Variants in KIAA0930 observed in about 807,000 individuals in gnomAD.
KIAA0930 encodes the protein KIAA0930.
KIAA0930 carries 24 observed loss-of-function variants against 43.9 expected under a neutral mutation model. The observed-to-expected ratio is 0.55, with a 90% CI of 0.40 to 0.77. The LOEUF (loss-of-function observed/expected upper bound fraction) is 0.77. Among genes scored for constraint, KIAA0930 ranks in the 30% least tolerant of loss-of-function variants. The pLI, the probability that KIAA0930 is intolerant of heterozygous loss-of-function variation, is 0.00. For missense variants in KIAA0930, 461 were observed against 574.2 expected (o/e 0.80, Z 2.02); for synonymous variants, 259 against 216.4 (o/e 1.20, Z -1.73).
rs376397193 is a variant in KIAA0930, at chr22:45,199,922, C to T, written c.966G>A (p.Ser322=). ...ACTCCTCGCTGTCGTTGGCCGAGTG[C>T]GACTTCTTCATCTCAGCGATCCGGT... ...PRNRIAEMKK[S]HSANDSEEFF... The change falls in exon 8 of 10, where the codon TCG becomes TCA. Residue 322 remains serine (S), a synonymous_variant. Coordinates refer to ENST00000336156, the MANE Select transcript of KIAA0930 (RefSeq NM_001009880.2). 7.2e-5 allele frequency: 116 copies of T among 1,606,000 alleles called. No individual in the cohort carries two copies. The highest frequency in any genetic ancestry group is 1.7e-4 in the Middle Eastern group (1 of 6,060).
chr22:45,225,988 A>C (rs1395736264), intron 1 of KIAA0930, among the ~76,000 whole-genome samples: 1 of 152,084 alleles, frequency 6.6e-6, no homozygotes, highest in African/African-American at 2.4e-5. Flanking sequence ...GGCTTGTCAC[A>C]CTGGCCCCTC....
At chr22:45,221,359 C>T (rs764151580) in intron 1 of KIAA0930, among the ~76,000 whole-genome samples, 1 of 152,088 alleles carries the variant, frequency 6.6e-6, no homozygotes, top group South Asian at 2.1e-4. Context: ...CATGCCATGG[C>T]GATATGTAAG....
chr22:45,212,530 C>T, intron 1 of KIAA0930: 1 of 1,409,738 alleles, frequency 7.1e-7, no homozygotes. Context: ...CTCACCCCCA[C>T]CCACTCCCCC....
chr22:45,214,526 T>C (rs1203154865), intron 1 of KIAA0930, among the ~76,000 whole-genome samples: 3 of 152,212 alleles, frequency 2.0e-5, no homozygotes, highest in Non-Finnish European at 4.4e-5. Flanking sequence ...GGCGGAATCG[T>C]AGTGACTTAA....
intron 1 of KIAA0930, among the ~76,000 whole-genome samples, chr22:45,237,247 AG>A (rs1318977626): frequency 6.6e-6 from 1 of 152,220 alleles, no homozygotes; most frequent in Non-Finnish European, 1.5e-5. Context: ...GGGCAGCCGC[AG>A]CCCCACTGCT....
chr22:45,223,130 T>G lies in KIAA0930; in HGVS notation c.65-11023A>C, dbSNP rs555458990. On this transcript the variant is annotated intron_variant, in intron 1 of 9. Transcript: ENST00000336156. Reference sequence around the variant, plus strand: ...AAGCATTACAGCACTGTTGGCAAAATAGTGGAGTGGTCCTATCAATAGGGA... The same window carrying G: ...AAGCATTACAGCACTGTTGGCAAAAGAGTGGAGTGGTCCTATCAATAGGGA... Among the ~76,000 whole-genome samples the G allele has an allele frequency of 4.8e-4, 73 of 152,322 alleles. 1 individual carries two copies. In the East Asian group the frequency reaches 0.014, roughly 28 times the overall value.
intron 1 of KIAA0930, chr22:45,213,257 GGCCCTCAGCCCTCAGCCCTCT>G (rs1298205845): frequency 8.1e-7 from 1 of 1,238,062 alleles, no homozygotes. Flanking sequence ...CCCAGCCCTC[GGCCCTCAGCCCTCAGCCCTCT>G]GCCCTCTGCC....
chr22:45,220,189 A>C (rs1278749325), intron 1 of KIAA0930, among the ~76,000 whole-genome samples: 1 of 152,180 alleles, frequency 6.6e-6, no homozygotes, highest in Non-Finnish European at 1.5e-5. Context: ...TCAGAGGCTC[A>C]CGTCTGTAAT....
rs1408029510 is a variant in KIAA0930, at chr22:45,197,851, T to G, written c.1113A>C (p.Gly371=). 1.2e-6 allele frequency: 2 copies of G among 1,614,070 alleles called. No individual in the cohort carries two copies. Among genetic ancestry groups the G allele is most frequent in the East Asian group, 2.2e-5 (1 of 44,896 alleles). The change falls in exon 9 of 10, where the codon GGA becomes GGC. Residue 371 remains glycine, a synonymous_variant. Coordinates refer to ENST00000336156, the MANE Select transcript of KIAA0930 (RefSeq NM_001009880.2). ...GSWLKLNRAD[G]NFLLYAHLTY... ...TTAAGTGTGCATAGAGAAGGAAGTT[T>G]CCATCTGCTCTGTTCAGCTTCAGCC...
chr22:45,221,756 CAG>C (rs1319959033), intron 1 of KIAA0930, among the ~76,000 whole-genome samples: 1 of 151,764 alleles, frequency 6.6e-6, no homozygotes, highest in African/African-American at 2.4e-5. Context: ...TTTTTTGAGA[CAG>C]AGTCTCACTC....
intron 1 of KIAA0930, among the ~76,000 whole-genome samples, chr22:45,229,052 C>T (rs113264227): frequency 6.4e-4 from 15 of 23,498 alleles, no homozygotes; most frequent in African/African-American, 1.3e-3. Context: ...CCCCCACCAC[C>T]AAACACTCAC....
At chr22:45,210,625 G>A (rs2235162) in intron 2 of KIAA0930, among the ~76,000 whole-genome samples, 40,034 of 151,962 alleles carry the variant, frequency 0.26, 5,695 homozygotes, top group Non-Finnish European at 0.32. Flanking sequence ...CTGGTCTCTC[G>A]ATTGTACACC....
chr22:45,207,034 TCTCG>T (rs1170436291), intron 2 of KIAA0930, among the ~76,000 whole-genome samples: 1 of 149,248 alleles, frequency 6.7e-6, no homozygotes, highest in African/African-American at 2.5e-5. Flanking sequence ...TGAGACGGAG[TCTCG>T]CTCTGTCACC....
intron 1 of KIAA0930, among the ~76,000 whole-genome samples, chr22:45,219,772 G>A (rs1446146656): frequency 6.6e-6 from 1 of 151,614 alleles, no homozygotes; most frequent in African/African-American, 2.4e-5. Context: ...TTGTATTTTT[G>A]GTAGAGACAG....
At chr22:45,218,140 C>T (rs2083744894) in intron 1 of KIAA0930, among the ~76,000 whole-genome samples, 1 of 151,944 alleles carries the variant, frequency 6.6e-6, no homozygotes, top group Non-Finnish European at 1.5e-5. Flanking sequence ...GCGTGCCCTG[C>T]ACCCTACAGT....
intron 9 of KIAA0930, 103 bp from the exon 10 acceptor site, chr22:45,197,319 T>TC: frequency 1.0e-6 from 1 of 970,742 alleles, no homozygotes; most frequent in East Asian, 2.7e-5. Flanking sequence ...CCTCAGCCAC[T>TC]CATGCATCTC....
intron 1 of KIAA0930, among the ~76,000 whole-genome samples, chr22:45,230,271 G>A (rs545381583): frequency 2.6e-5 from 4 of 152,180 alleles, no homozygotes; most frequent in Non-Finnish European, 5.9e-5. Context: ...AGGCTGAGCT[G>A]GAGGCACCCG....
intron 1 of KIAA0930, among the ~76,000 whole-genome samples, chr22:45,222,646 C>T (rs115938520): frequency 0.02 from 3,044 of 151,868 alleles, 102 homozygotes; most frequent in African/African-American, 0.07. Flanking sequence ...AAAAACCACC[C>T]CCGCCCCCCC....
At chr22:45,205,981 A>G (rs2083634770) in intron 2 of KIAA0930, 69 bp from the exon 3 acceptor site, 1 of 1,581,626 alleles carries the variant, frequency 6.3e-7, no homozygotes, top group Non-Finnish European at 8.6e-7. Context: ...CCTGACTACT[A>G]TGCAGGCATT....
Sources: gnomAD v4.1 joint callset for allele counts (sites outside exome capture counted in the v4.1 genomes callset) on GRCh38, gnomAD v4.1.1 for gene constraint, MANE v1.5 for transcripts, NCBI Gene and HGNC (gene_info 2026-07-23, HGNC 2026-07-21) for gene names.